The following NUP50 variants were observed in gnomAD, a reference collection of about 807,000 sequenced individuals.
The protein encoded by NUP50 is nuclear pore complex protein Nup50.
NUP50 carries 14 observed loss-of-function variants against 36.8 expected under a neutral mutation model. That is an observed-to-expected ratio of 0.38 (90% CI 0.25 to 0.59). The LOEUF (loss-of-function observed/expected upper bound fraction) is 0.59, where lower values mean the gene tolerates loss of function less well. Among genes scored for constraint, NUP50 ranks in the 20% least tolerant of loss-of-function variants. The probability of loss-of-function intolerance (pLI) is 0.63; values close to 1 mark genes in which losing one functional copy is unlikely to be tolerated. For synonymous variants in NUP50, 195 were observed against 210.8 expected (o/e 0.93, Z 0.65); for missense variants, 455 against 564.6 (o/e 0.81, Z 1.97).
Position 45,176,096 on chromosome 22 carries a change from C to A in NUP50, c.340+16C>A, listed in dbSNP as rs2074273067. On this transcript the variant is annotated intron_variant, in intron 4 of 7. Transcript: ENST00000347635. ...GTAGCCTTTGGTAAGTAGCTCCCAT[C>A]CCCCAGCCGCCTGTGTAAGTATCAT... 1 of 1,609,586 alleles carries A rather than the reference C, an allele frequency of 6.2e-7. No homozygotes were observed. The highest frequency in any genetic ancestry group is 1.7e-5 in the Admixed American group (1 of 59,448).
At chr22:45,171,238 C>A in intron 2 of NUP50, 5 of 1,079,338 alleles carry the variant, frequency 4.6e-6, no homozygotes, top group South Asian at 2.0e-5. Context: ...GCTCTGTTGC[C>A]CAGGCTGGAG....
In NUP50 at chr22:45,168,328, G is replaced by A. The variant is rs1022065680; in HGVS notation, c.69+82G>A. The A allele has an allele frequency of 9.5e-6, 10 of 1,048,226 alleles. No individual in the cohort carries two copies. In the South Asian group the frequency reaches 9.9e-5, roughly 10 times the overall value. The allele number at this position is 1,048,226 out of a possible 1,614,324, so 64.9% of individuals were successfully genotyped here. A position where few individuals can be genotyped will look rare whatever the true frequency, so the allele number is the denominator to read the frequency against. ...TTTGGGGTTCCTCATGAAGACTTGT[G>A]ACAGAACTAAAAGACCTTTCTAAGA... On this transcript the variant is annotated intron_variant, in intron 2 of 7. Coordinates refer to ENST00000347635, the MANE Select transcript of NUP50 (RefSeq NM_007172.4).
At chr22:45,182,531 T>G (rs2074389331) in intron 6 of NUP50, among the ~76,000 whole-genome samples, 1 of 152,136 alleles carries the variant, frequency 6.6e-6, no homozygotes, top group Non-Finnish European at 1.5e-5. Context: ...GATATTTGAT[T>G]ACTTTGTTAT....
At chr22:45,175,303 G>A (rs2074259750) in intron 3 of NUP50, among the ~76,000 whole-genome samples, 1 of 152,124 alleles carries the variant, frequency 6.6e-6, no homozygotes, top group South Asian at 2.1e-4. Context: ...TAAAACAATC[G>A]AGTTTAAGGA....
intron 2 of NUP50, among the ~76,000 whole-genome samples, chr22:45,170,023 G>T (rs866473527): frequency 6.6e-6 from 1 of 152,168 alleles, no homozygotes; most frequent in African/African-American, 2.4e-5. Context: ...TAAAGTCTTT[G>T]ATCTTTCTGA....
intron 1 of NUP50, among the ~76,000 whole-genome samples, chr22:45,167,065 C>T (rs759844117): frequency 2.0e-5 from 3 of 152,114 alleles, no homozygotes; most frequent in African/African-American, 4.8e-5. Context: ...CATATCTTAG[C>T]GACCACTTTG....
In NUP50 at chr22:45,163,992, G is replaced by C. The variant is rs955577196; in HGVS notation, c.-315G>C. The C allele has an allele frequency of 6.6e-6, 1 of 152,254 alleles. No individual in the cohort carries two copies. Among genetic ancestry groups the C allele is most frequent in the African/African-American group, 2.4e-5 (1 of 41,474 alleles). 9.4% of individuals were successfully genotyped at this position (152,254 alleles called of 1,614,324 possible). On this transcript the variant is annotated 5_prime_UTR_variant, in exon 1 of 8. Coordinates refer to ENST00000347635, the MANE Select transcript of NUP50 (RefSeq NM_007172.4). ...CTCCCTTTTTTTCGAATTGGTTTTGGGGGTAGATTCGAGTTACAAAATGGC... is the reference window on the plus strand; with the variant it reads ...CTCCCTTTTTTTCGAATTGGTTTTGCGGGTAGATTCGAGTTACAAAATGGC...
intron 4 of NUP50, among the ~76,000 whole-genome samples, chr22:45,177,273 C>T (rs2238800): frequency 0.46 from 69,170 of 151,952 alleles, 16,275 homozygotes; most frequent in Middle Eastern, 0.53. Context: ...CACAACCTCC[C>T]GAGCTCAAGT....
chr22:45,187,118 A>G lies in NUP50; in HGVS notation c.*2463A>G, dbSNP rs1268693689. The G allele has an allele frequency of 6.7e-6, 1 of 149,972 alleles. No individual in the cohort carries two copies. Among genetic ancestry groups the G allele is most frequent in the African/African-American group, 2.4e-5 (1 of 40,898 alleles). 9.3% of individuals were successfully genotyped at this position (149,972 alleles called of 1,614,324 possible). On this transcript the variant is annotated 3_prime_UTR_variant, in exon 8 of 8. Transcript: ENST00000347635. ...CCTAAAGCAAGGTGTGTATTTTGTTATTCTGAAATTGTTTTGCATCTGGAC... is the reference window on the plus strand; with the variant it reads ...CCTAAAGCAAGGTGTGTATTTTGTTGTTCTGAAATTGTTTTGCATCTGGAC...
chr22:45,181,422 T>A (rs554088239), intron 6 of NUP50, 55 bp downstream of exon 6: 1 of 1,162,746 alleles, frequency 8.6e-7, no homozygotes, highest in Admixed American at 2.6e-5. Flanking sequence ...GGTGGCATGC[T>A]TCAGGCTGGA....
chr22:45,178,711 A>G lies in NUP50; in HGVS notation c.814A>G (p.Asn272Asp), dbSNP rs958385513. The change falls in exon 5 of 8, where the codon AAT becomes GAT. Residue 272 changes from asparagine (N) to aspartate (D), a missense_variant. Coordinates refer to ENST00000347635, the MANE Select transcript of NUP50 (RefSeq NM_007172.4). Reference sequence around the variant, plus strand: ...ACTAGGAGCGACAAGTGCCTCATTTAATTTCGGCAAGAAAGTTGATAGCTC... The same window carrying G: ...ACTAGGAGCGACAAGTGCCTCATTTGATTTCGGCAAGAAAGTTGATAGCTC... ...SSLGATSASF[N>D]FGKKVDSSVL... is the part of the protein sequence containing the mutation. 6.2e-7 allele frequency: 1 copy of G among 1,612,968 alleles called. No homozygotes were observed. The highest frequency in any genetic ancestry group is 1.7e-5 in the Admixed American group (1 of 60,014).
chr22:45,170,238 G>C (rs6007487), intron 2 of NUP50, among the ~76,000 whole-genome samples: 6 of 151,764 alleles, frequency 4.0e-5, no homozygotes, highest in Non-Finnish European at 7.4e-5. Flanking sequence ...GCCGGTCTCC[G>C]TGTCTTGGTG....
Position 45,176,012 on chromosome 22 carries a change from G to A in NUP50, c.272G>A (p.Gly91Glu). The A allele has an allele frequency of 6.2e-7, 1 of 1,614,176 alleles. No homozygotes were observed. Among genetic ancestry groups the A allele is most frequent in the Non-Finnish European group, 8.5e-7 (1 of 1,180,042 alleles). Residue 91 changes from glycine (G) to glutamate (E), a missense_variant, in exon 4 of 8, where the codon GGA becomes GAA. Around this residue, in one of 3 missense-constraint regions of NUP50, gnomAD observed 166 missense variants for 202.8 expected, o/e 0.82. Coordinates refer to ENST00000347635, the MANE Select transcript of NUP50 (RefSeq NM_007172.4). ...AAGCCTTTGGAAGGACTGTCGAATGGAAACAACATAACCAGTGCCCCTCCC... is the reference window on the plus strand; with the variant it reads ...AAGCCTTTGGAAGGACTGTCGAATGAAAACAACATAACCAGTGCCCCTCCC... ...GGKPLEGLSN[G>E]NNITSAPPFA... is the part of the protein sequence containing the mutation.
intron 1 of NUP50, 76 bp from the exon 2 acceptor site, chr22:45,168,092 T>C: frequency 9.1e-7 from 1 of 1,097,192 alleles, no homozygotes; most frequent in East Asian, 2.6e-5. Flanking sequence ...CACTTCATGC[T>C]AGAGTGAATT....
rs2147717482 is a variant in NUP50, at chr22:45,186,359, A to T, written c.*1704A>T. 1 of 152,370 alleles carries T rather than the reference A, an allele frequency of 6.6e-6. No individual in the cohort carries two copies. The highest frequency in any genetic ancestry group is 1.5e-5 in the Non-Finnish European group (1 of 68,040). 9.4% of individuals were successfully genotyped at this position (152,370 alleles called of 1,614,324 possible). On this transcript the variant is annotated 3_prime_UTR_variant, in exon 8 of 8. Coordinates refer to ENST00000347635, the MANE Select transcript of NUP50 (RefSeq NM_007172.4). ...CTGTTGCGGATGATTCATAGTAAGC[A>T]AGCGGTTGATGCTGTTAATACCGGC...
Position 45,176,000 on chromosome 22 carries a change from G to A in NUP50, c.260G>A (p.Gly87Glu). ...GGCGCTGGAGGGAAGCCTTTGGAAGGACTGTCGAATGGAAACAACATAACC... is the reference window on the plus strand; with the variant it reads ...GGCGCTGGAGGGAAGCCTTTGGAAGAACTGTCGAATGGAAACAACATAACC... Reference protein sequence around the residue: ...GSGAGGKPLEGLSNGNNITSA... With the variant: ...GSGAGGKPLEELSNGNNITSA... Residue 87 changes from glycine (G) to glutamate (E), a missense_variant, in exon 4 of 8, where the codon GGA (glycine) becomes GAA (glutamate). By Grantham distance (98) the Gly-to-Glu change is moderately conservative. Transcript: ENST00000347635. 1 of 1,614,170 alleles carries A rather than the reference G, an allele frequency of 6.2e-7. No homozygotes were observed. The highest frequency in any genetic ancestry group is 8.5e-7 in the Non-Finnish European group (1 of 1,180,030).
chr22:45,180,561 A>G (rs1277166430), intron 5 of NUP50, among the ~76,000 whole-genome samples: 1 of 151,962 alleles, frequency 6.6e-6, no homozygotes, highest in Non-Finnish European at 1.5e-5. Flanking sequence ...TTTTGTAGAG[A>G]TGGGGGGCGT....
intron 1 of NUP50, among the ~76,000 whole-genome samples, chr22:45,167,827 T>TCTTAAGTTCTTAAGTTTAAG (rs2074118948): frequency 6.6e-6 from 1 of 152,250 alleles, no homozygotes; most frequent in South Asian, 2.1e-4. Context: ...AAGGACTTTT[T>TCTTAAGTTCTTAAGTTTAAG]GATTATATAT....
At chr22:45,183,379 G>A (rs2074413148) in intron 6 of NUP50, 23 bp from the exon 7 acceptor site, 3 of 1,341,536 alleles carry the variant, frequency 2.2e-6, no homozygotes, top group Non-Finnish European at 3.2e-6. Context: ...ATGCTTGATG[G>A]TCCCTATTAT....
Sources: gnomAD v4.1 joint callset for allele counts (sites outside exome capture counted in the v4.1 genomes callset) on GRCh38, gnomAD v4.1.1 for gene constraint, gnomAD v4.1.1 regional missense constraint, MANE v1.5 for transcripts, NCBI Gene and HGNC (gene_info 2026-07-23, HGNC 2026-07-21) for gene names.